The following SHC4 variants were observed in gnomAD, a reference collection of about 807,000 sequenced individuals.
SHC4 encodes SHC adaptor protein 4.
SHC4 carries 41 observed loss-of-function variants against 69.4 expected under a neutral mutation model. The observed-to-expected ratio is 0.59, with a 90% confidence interval of 0.46 to 0.77. SHC4 has a LOEUF of 0.77. SHC4 is among the 30% of genes least tolerant of loss of function. The pLI is 0.00. For synonymous variants in SHC4, 318 were observed against 299.3 expected (o/e 1.06, Z -0.64); for missense variants, 777 against 783.8 (o/e 0.99, Z 0.10).
intron 4 of SHC4, chr15:48,878,094 C>A: frequency 6.7e-7 from 1 of 1,495,200 alleles, no homozygotes; most frequent in Non-Finnish European, 8.9e-7. Flanking sequence ...AAGCGCGCAG[C>A]CTTTGCGCAC....
At chr15:48,949,451 C>G (rs1372410550) in intron 1 of SHC4, among the ~76,000 whole-genome samples, 1 of 151,698 alleles carries the variant, frequency 6.6e-6, no homozygotes, top group Non-Finnish European at 1.5e-5. Context: ...ATCTCTCTAT[C>G]TCTTTACATC....
chr15:48,876,600 C>A (rs1310649894), intron 4 of SHC4: 1 of 697,534 alleles, frequency 1.4e-6, no homozygotes, highest in South Asian at 1.5e-5. Flanking sequence ...GAGAGGAGAG[C>A]CAGTCCGAGT....
intron 8 of SHC4, among the ~76,000 whole-genome samples, chr15:48,852,336 C>G (rs1365477823): frequency 6.6e-6 from 1 of 152,012 alleles, no homozygotes; most frequent in Admixed American, 6.6e-5. Flanking sequence ...AAAGGTAAGA[C>G]TTACTTTGAA....
At chr15:48,899,193 G>T (rs1261285900) in intron 2 of SHC4, among the ~76,000 whole-genome samples, 1 of 152,180 alleles carries the variant, frequency 6.6e-6, no homozygotes, top group Non-Finnish European at 1.5e-5. Context: ...TTGGCCAGGT[G>T]TGGTGGCTCA....
chr15:48,892,205 G>A (rs1049700946), intron 2 of SHC4, among the ~76,000 whole-genome samples: 2 of 152,106 alleles, frequency 1.3e-5, no homozygotes, highest in African/African-American at 4.8e-5. Context: ...AGTGCAGAGC[G>A]ATGTTCTTCT....
intron 1 of SHC4, among the ~76,000 whole-genome samples, chr15:48,939,581 G>A (rs184189813): frequency 6.6e-6 from 1 of 152,196 alleles, no homozygotes; most frequent in Non-Finnish European, 1.5e-5. Flanking sequence ...TTTTGTTCTT[G>A]GAGTCCAGCA....
chr15:48,959,608 A>G (rs1901507674), intron 1 of SHC4, among the ~76,000 whole-genome samples: 1 of 152,212 alleles, frequency 6.6e-6, no homozygotes, highest in Admixed American at 6.5e-5. Context: ...TCAACTAGCC[A>G]TTAAGATCAT....
At chr15:48,839,726 GATA>G (rs1381124544) in intron 10 of SHC4, among the ~76,000 whole-genome samples, 2 of 152,208 alleles carry the variant, frequency 1.3e-5, no homozygotes, top group Non-Finnish European at 2.9e-5. Context: ...CAACTTGGCA[GATA>G]ATAAGGATCT....
At chr15:48,860,333 C>T (rs1567054926) in intron 6 of SHC4, among the ~76,000 whole-genome samples, 2 of 151,618 alleles carry the variant, frequency 1.3e-5, no homozygotes, top group African/African-American at 2.4e-5. Context: ...GGTGAAACCC[C>T]GTATCTATTA....
At chr15:48,898,327 C>T (rs1229044374) in intron 2 of SHC4, among the ~76,000 whole-genome samples, 1 of 152,230 alleles carries the variant, frequency 6.6e-6, no homozygotes, top group Non-Finnish European at 1.5e-5. Context: ...AAGCCTCAGA[C>T]TTGCTTTGTG....
rs545807791 is a variant in SHC4, at chr15:48,855,808, T to G, written c.1242+145A>C. 5.9e-5 allele frequency: 47 copies of G among 799,516 alleles called. No homozygotes were observed. The Middle Eastern group carries it at 1.1e-3, about 19-fold the overall frequency. The allele number at this position is 799,516 out of a possible 1,614,324, so 49.5% of individuals were successfully genotyped here. ...GGAGTAAAAATGATCTAGTGTAGCC[T>G]CTGACAGTTATTCATTCTCTGGCTC... On this transcript the variant is annotated intron_variant, in intron 8 of 11. Transcript: ENST00000332408.
intron 2 of SHC4, among the ~76,000 whole-genome samples, chr15:48,919,294 A>ACTTTTTTTTTTTT (rs1900691444): frequency 2.9e-5 from 1 of 35,054 alleles, no homozygotes; most frequent in Non-Finnish European, 7.1e-5. Context: ...AATTTATTTT[A>ACTTTTTTTTTTTT]ATTTTTTTTT....
intron 4 of SHC4, chr15:48,876,515 A>T (rs1483818461): frequency 4.2e-5 from 25 of 593,876 alleles, no homozygotes; most frequent in Non-Finnish European, 6.4e-5. Flanking sequence ...ATGTATATAT[A>T]TGTAAAGGGG....
rs186450371 is a variant in SHC4 at position 48,863,605 on chromosome 15, T to C, written c.946+4213A>G. ...AAAGGCATTTACATTTTTAAGATGT[T>C]TGATGCAAATGATCAAATTGCTCTT... On this transcript the variant is annotated intron_variant, in intron 6 of 11. Transcript: ENST00000332408. 3.8e-3 allele frequency among the ~76,000 whole-genome samples: 579 copies of C among 152,336 alleles called. 2 individuals carry two copies. The highest frequency in any genetic ancestry group is 0.011 in the Admixed American group (172 of 15,304).
intron 1 of SHC4, among the ~76,000 whole-genome samples, chr15:48,925,910 C>T (rs901620346): frequency 6.6e-6 from 1 of 152,098 alleles, no homozygotes; most frequent in Admixed American, 6.6e-5. Context: ...CTACAGAATT[C>T]GGCAGTTGAT....
chr15:48,877,660 T>C, intron 4 of SHC4: 9 of 668,062 alleles, frequency 1.3e-5, no homozygotes, highest in Non-Finnish European at 1.5e-5. Context: ...AAGTACAATA[T>C]ATCTGTTGTT....
At chr15:48,863,558 T>C (rs1899491866) in intron 6 of SHC4, among the ~76,000 whole-genome samples, 1 of 152,230 alleles carries the variant, frequency 6.6e-6, no homozygotes. Context: ...AATTATTTCC[T>C]CAGAAATAAA....
At chr15:48,842,880 G>A (rs182119939) in intron 10 of SHC4, among the ~76,000 whole-genome samples, 70 of 152,132 alleles carry the variant, frequency 4.6e-4, no homozygotes, top group Non-Finnish European at 6.9e-4. Context: ...GCAGTGACCC[G>A]TGATCATGCC....
intron 1 of SHC4, among the ~76,000 whole-genome samples, chr15:48,950,099 T>C (rs1901342588): frequency 1.4e-5 from 2 of 143,784 alleles, no homozygotes; most frequent in African/African-American, 2.5e-5. Context: ...TTTTATAATA[T>C]AGTAAATACA....
Sources: gnomAD v4.1 joint callset for allele counts (sites outside exome capture counted in the v4.1 genomes callset) on GRCh38, gnomAD v4.1.1 for gene constraint, MANE v1.5 for transcripts, NCBI Gene and HGNC (gene_info 2026-07-23, HGNC 2026-07-21) for gene names.